NEO1: variants seen among roughly 807,000 people sequenced by gnomAD.
The protein encoded by NEO1 is neogenin 1.
A neutral mutation model predicts 159.7 loss-of-function variants in NEO1; 63 were observed. The ratio of observed to expected loss-of-function variants is 0.39; its 90% CI spans 0.32 to 0.49. The LOEUF (loss-of-function observed/expected upper bound fraction) is 0.49. Among genes scored for constraint, NEO1 ranks in the 20% least tolerant of loss-of-function variants. NEO1 has a pLI of 0.85. For synonymous variants in NEO1, 633 were observed against 662.0 expected (o/e 0.96, Z 0.67); for missense variants, 1,615 against 1,831.0 (o/e 0.88, Z 2.15).
chr15:73,248,139 G>T (rs1472135433), intron 9 of NEO1, among the ~76,000 whole-genome samples: 1 of 152,138 alleles, frequency 6.6e-6, no homozygotes, highest in Non-Finnish European at 1.5e-5. Flanking sequence ...GAAAATACAT[G>T]TCAAGTATTT....
chr15:73,268,518 A>G (rs1309972358), intron 16 of NEO1, among the ~76,000 whole-genome samples: 1 of 152,212 alleles, frequency 6.6e-6, no homozygotes, highest in African/African-American at 2.4e-5. Context: ...TTGGTTATAT[A>G]ATGTATGCTA....
At chr15:73,107,553 TAAAC>T (rs958925527) in intron 1 of NEO1, among the ~76,000 whole-genome samples, 1 of 152,182 alleles carries the variant, frequency 6.6e-6, no homozygotes, top group African/African-American at 2.4e-5. Flanking sequence ...AAAACATCAT[TAAAC>T]AAAGAAGTAT....
At chr15:73,102,361 G>A (rs769309855) in intron 1 of NEO1, among the ~76,000 whole-genome samples, 35 of 151,678 alleles carry the variant, frequency 2.3e-4, no homozygotes, top group South Asian at 6.2e-4. Flanking sequence ...GCAAGATTCC[G>A]TCTCAAAAAA....
At chr15:73,058,117 G>C (rs1464388433) in intron 1 of NEO1, among the ~76,000 whole-genome samples, 1 of 152,104 alleles carries the variant, frequency 6.6e-6, no homozygotes, top group Non-Finnish European at 1.5e-5. Context: ...TTCCATGCCA[G>C]TACATACAGA....
rs534831834 is a variant in NEO1, at chr15:73,244,137, A to G, written c.1452-207A>G. Among the ~76,000 whole-genome samples the G allele has an allele frequency of 7.9e-5, 12 of 152,334 alleles. No homozygotes were observed. In the South Asian group the frequency reaches 2.5e-3, roughly 32 times the overall value. ...CAGCGATATCAGTAACATTTCAGCA[A>G]GAACATCACTGATTTGTCAGATACG... On this transcript the variant is annotated intron_variant, in intron 8 of 28. Coordinates refer to ENST00000261908, the MANE Select transcript of NEO1 (RefSeq NM_002499.4).
At chr15:73,208,481 A>T (rs148466776) in intron 7 of NEO1, among the ~76,000 whole-genome samples, 2,072 of 152,172 alleles carry the variant, frequency 0.014, 18 homozygotes, top group South Asian at 0.018. Context: ...TATTTTTTTT[A>T]AAAACTGTTC....
At chr15:73,181,441 A>G (rs1228933098) in intron 7 of NEO1, among the ~76,000 whole-genome samples, 1 of 152,210 alleles carries the variant, frequency 6.6e-6, no homozygotes, top group Non-Finnish European at 1.5e-5. Context: ...ATAAAGAAAT[A>G]CGTGAGGCTA....
chr15:73,298,334 C>CT lies in NEO1; in HGVS notation c.3902-11dup. On this transcript the variant is annotated splice_polypyrimidine_tract_variant and intron_variant, in intron 26 of 28. Transcript: ENST00000261908. ...GGCAAAAGAAATGCTAACATTTAGA[C>CT]TTTCCTGCTGTAGAATCCGTTCGAA... 6.2e-7 allele frequency: 1 copy of CT among 1,612,886 alleles called. No individual in the cohort carries two copies. Among genetic ancestry groups the CT allele is most frequent in the Non-Finnish European group, 8.5e-7 (1 of 1,178,948 alleles).
At chr15:73,170,740 A>G (rs1011616412) in intron 5 of NEO1, among the ~76,000 whole-genome samples, 7 of 152,216 alleles carry the variant, frequency 4.6e-5, no homozygotes, top group Admixed American at 2.6e-4. Flanking sequence ...TCAAGCATTT[A>G]TTCTGCCCCT....
chr15:73,266,529 G>T, intron 16 of NEO1, 118 bp downstream of exon 16: 1 of 628,920 alleles, frequency 1.6e-6, no homozygotes. Flanking sequence ...AGTTTCGGGT[G>T]CTGACTTCAA....
At chr15:73,097,392 C>A (rs2070114606) in intron 1 of NEO1, among the ~76,000 whole-genome samples, 1 of 111,210 alleles carries the variant, frequency 9.0e-6, no homozygotes, top group South Asian at 3.2e-4. Context: ...CCGAGTCTTA[C>A]TCCCATCACC....
At chr15:73,061,192 C>A (rs1035854311) in intron 1 of NEO1, among the ~76,000 whole-genome samples, 1 of 152,112 alleles carries the variant, frequency 6.6e-6, no homozygotes, top group African/African-American at 2.4e-5. Context: ...TGGGAAATGC[C>A]CCCTGCAGCA....
At chr15:73,272,610 A>C (rs541699100) in intron 19 of NEO1, 48 bp downstream of exon 19, 1 of 1,285,752 alleles carries the variant, frequency 7.8e-7, no homozygotes, top group Non-Finnish European at 1.1e-6. Context: ...TTCCTGCCTG[A>C]CAGGAGTATT....
intron 1 of NEO1, among the ~76,000 whole-genome samples, chr15:73,081,307 C>G (rs2151382866): frequency 6.6e-6 from 1 of 151,150 alleles, no homozygotes; most frequent in Admixed American, 6.6e-5. Flanking sequence ...CATTTTAAAA[C>G]TGCATTTTAA....
Position 73,112,069 on chromosome 15 carries a change from C to T in NEO1, c.131-4471C>T, listed in dbSNP as rs150703392. 7.0e-3 allele frequency among the ~76,000 whole-genome samples: 1,070 copies of T among 152,264 alleles called. 13 individuals are homozygous for T. Among genetic ancestry groups the T allele is most frequent in the African/African-American group, 0.024 (1,013 of 41,542 alleles). On this transcript the variant is annotated intron_variant, in intron 1 of 28. Coordinates refer to ENST00000261908, the MANE Select transcript of NEO1 (RefSeq NM_002499.4). ...CTCTCCCAGTAACCAGTAGTAACAA[C>T]CTGGTGTACATTTTTCCTACCTTTC...
intron 23 of NEO1, 74 bp downstream of exon 23, chr15:73,283,185 A>G (rs2041802916): frequency 1.3e-6 from 2 of 1,498,260 alleles, no homozygotes; most frequent in Admixed American, 3.9e-5. Context: ...CTGTATATGG[A>G]GTGGTACACA....
At chr15:73,088,869 G>T (rs965978992) in intron 1 of NEO1, among the ~76,000 whole-genome samples, 1 of 152,030 alleles carries the variant, frequency 6.6e-6, no homozygotes, top group African/African-American at 2.4e-5. Flanking sequence ...AAGTCTTGAG[G>T]CTAGAAAAAC....
At position 73,258,774 on chromosome 15, in the gene NEO1, C is replaced by A; in HGVS notation, c.2101C>A (p.Arg701=). ...TTGTCATTTGGTCTCAGGTCTTGAT[C>A]GGGGGACTGAGTATAATTTCCGAGT... ...QLSQLIEGLD[R]GTEYNFRVAA... is the part of the protein sequence containing the mutation. The change falls in exon 14 of 29, where the codon CGG becomes AGG. Residue 701 remains arginine (R), a synonymous_variant. Coordinates refer to ENST00000261908, the MANE Select transcript of NEO1 (RefSeq NM_002499.4). The A allele has an allele frequency of 6.2e-7, 1 of 1,613,532 alleles. No homozygotes were observed. The highest frequency in any genetic ancestry group is 8.5e-7 in the Non-Finnish European group (1 of 1,179,560).
At chr15:73,287,891 C>A (rs1195554724) in intron 23 of NEO1, among the ~76,000 whole-genome samples, 7 of 148,802 alleles carry the variant, frequency 4.7e-5, no homozygotes, top group South Asian at 4.3e-4. Flanking sequence ...AAAAAAAAAA[C>A]AAAAAAAGTT....
Sources: allele counts gnomAD v4.1 joint callset (sites outside exome capture counted in the v4.1 genomes callset), GRCh38; gene constraint gnomAD v4.1.1; transcripts MANE v1.5; gene names NCBI Gene and HGNC (gene_info 2026-07-23, HGNC 2026-07-21).